CFAP47: variants seen among roughly 807,000 people sequenced by gnomAD.
The protein encoded by CFAP47 is cilia- and flagella-associated protein 47.
Under a neutral mutation model 148.1 loss-of-function variants are expected in CFAP47, and 29 were observed. The observed-to-expected ratio is 0.20, with a 90% confidence interval of 0.15 to 0.27. CFAP47 has a LOEUF of 0.27. Among genes scored for constraint, CFAP47 ranks in the 10% least tolerant of loss-of-function variants. The pLI, the probability that CFAP47 is intolerant of heterozygous loss-of-function variation, is 1.00. For synonymous variants in CFAP47, 664 were observed against 577.3 expected, an observed-to-expected ratio of 1.15 and a Z score of -2.15; for missense variants, 1,872 against 1,697.5, an observed-to-expected ratio of 1.10 and a Z score of -1.81.
intron 59 of CFAP47, among the ~76,000 whole-genome samples, chrX:36,353,290 A>T (rs1556017829): frequency 9.0e-6 from 1 of 110,670 alleles, no homozygotes; most frequent in African/African-American, 3.3e-5. Flanking sequence ...TATCTTACAG[A>T]TTTATTTTCC....
chrX:36,251,326 C>A lies in CFAP47; in HGVS notation c.7333-7C>A. On this transcript the variant is annotated splice_polypyrimidine_tract_variant and splice_region_variant and intron_variant, in intron 48 of 63. Coordinates refer to ENST00000378653, the MANE Select transcript of CFAP47 (RefSeq NM_001304548.2). ...CATAATTCTTGTTTCTGAATTATCT[C>A]TTATAGGTAACTGCAGATCTTCCAA... 2.0e-6 allele frequency: 1 copy of A among 494,705 alleles called. No individual in the cohort carries two copies. The highest frequency in any genetic ancestry group is 2.7e-5 in the South Asian group (1 of 36,905). The allele number at this position is 494,705 out of a possible 1,213,427, so 40.8% of individuals were successfully genotyped here.
Position 36,385,190 on chromosome X carries a change from G to C in CFAP47, c.*184G>C. ...CATTTGTGAGTTATGAATGTTTTTT[G>C]GTTGCGAACATTGGAATTGGTTCAC... On this transcript the variant is annotated 3_prime_UTR_variant, in exon 64 of 64. Coordinates refer to ENST00000378653, the MANE Select transcript of CFAP47 (RefSeq NM_001304548.2). 1 of 386,996 alleles carries C rather than the reference G, an allele frequency of 2.6e-6. No individual in the cohort carries two copies. Among genetic ancestry groups the C allele is most frequent in the Non-Finnish European group, 4.5e-6 (1 of 223,987 alleles). The allele number at this position is 386,996 out of a possible 1,213,427, so 31.9% of individuals were successfully genotyped here. A position where few individuals can be genotyped will look rare whatever the true frequency, so the allele number is the denominator to read the frequency against.
chrX:35,990,468 TGAG>T (rs1195540335), intron 16 of CFAP47, among the ~76,000 whole-genome samples: 2 of 111,021 alleles, frequency 1.8e-5, no homozygotes, highest in Non-Finnish European at 3.8e-5. Context: ...TTGTGTGAGA[TGAG>T]GAGGGGGAGT....
At chrX:36,165,206 A>G (rs1939476022) in intron 39 of CFAP47, among the ~76,000 whole-genome samples, 1 of 111,834 alleles carries the variant, frequency 8.9e-6, no homozygotes, top group Non-Finnish European at 1.9e-5. Context: ...TAATCAATTC[A>G]CAAATTTGTT....
At chrX:36,296,566 G>A (rs1476976148) in intron 51 of CFAP47, among the ~76,000 whole-genome samples, 1 of 112,385 alleles carries the variant, frequency 8.9e-6, no homozygotes, top group Non-Finnish European at 1.9e-5. Flanking sequence ...GAACCATATT[G>A]TGATATAAAA....
chrX:36,281,819 A>C (rs1941081892), intron 50 of CFAP47, among the ~76,000 whole-genome samples: 1 of 111,677 alleles, frequency 9.0e-6, no homozygotes, highest in South Asian at 3.7e-4. Flanking sequence ...TGGGAAGAGA[A>C]GTTGGGCCAG....
At chrX:36,149,612 ATTTTAT>A (rs1569273933) in intron 37 of CFAP47, among the ~76,000 whole-genome samples, 64 of 54,054 alleles carry the variant, frequency 1.2e-3, no homozygotes, top group East Asian at 5.5e-3. Flanking sequence ...TTATTTATTT[ATTTTAT>A]TTTTTTTTGA....
intron 33 of CFAP47, among the ~76,000 whole-genome samples, chrX:36,135,421 C>A (rs1484943587): frequency 1.8e-5 from 2 of 111,754 alleles, no homozygotes; most frequent in Non-Finnish European, 3.8e-5. Context: ...AATACCTCAT[C>A]TCTGTGACAT....
chrX:36,101,665 T>C (rs1199972335), intron 32 of CFAP47, among the ~76,000 whole-genome samples: 1 of 111,388 alleles, frequency 9.0e-6, no homozygotes, highest in Non-Finnish European at 1.9e-5. Flanking sequence ...TCCAAATAAG[T>C]GTTAAACCAT....
At chrX:35,929,999 A>AAAAAC (rs930728751) in intron 2 of CFAP47, among the ~76,000 whole-genome samples, 2 of 111,041 alleles carry the variant, frequency 1.8e-5, no homozygotes, top group African/African-American at 6.6e-5. Context: ...ACTGTCTCAA[A>AAAAAC]AAAACAAAAC....
At chrX:36,316,775 G>A (rs1941437237) in intron 56 of CFAP47, among the ~76,000 whole-genome samples, 1 of 111,844 alleles carries the variant, frequency 8.9e-6, no homozygotes, top group South Asian at 3.8e-4. Context: ...CATTCAACCT[G>A]TAACAGGAAC....
At chrX:35,938,648 A>C in intron 2 of CFAP47, among the ~76,000 whole-genome samples, 1 of 111,493 alleles carries the variant, frequency 9.0e-6, no homozygotes. Flanking sequence ...CCTATTTAAA[A>C]TTTTTTGATA....
intron 45 of CFAP47, among the ~76,000 whole-genome samples, chrX:36,208,418 G>A (rs1484741769): frequency 2.7e-5 from 3 of 110,056 alleles, no homozygotes; most frequent in East Asian, 5.8e-4. Flanking sequence ...AATGGATCTC[G>A]GGGAACTCAC....
At chrX:36,313,504 T>A (rs1481245501) in intron 56 of CFAP47, among the ~76,000 whole-genome samples, 1 of 111,431 alleles carries the variant, frequency 9.0e-6, no homozygotes, top group African/African-American at 3.3e-5. Flanking sequence ...CAATTTAAGA[T>A]GAAATTTGGG....
At chrX:36,064,985 C>T (rs1318056637) in intron 26 of CFAP47, among the ~76,000 whole-genome samples, 1 of 111,406 alleles carries the variant, frequency 9.0e-6, no homozygotes. Flanking sequence ...AGTCCTCAGA[C>T]ACATTTAAAG....
At chrX:36,320,634 C>T (rs1355839750) in intron 57 of CFAP47, among the ~76,000 whole-genome samples, 1 of 112,086 alleles carries the variant, frequency 8.9e-6, no homozygotes, top group East Asian at 2.8e-4. Flanking sequence ...CAACAGTTCA[C>T]AAAAGATAAA....
chrX:35,949,174 T>TGTGTGTGTG (rs1569211174), intron 4 of CFAP47, among the ~76,000 whole-genome samples: 7 of 109,058 alleles, frequency 6.4e-5, no homozygotes, highest in Admixed American at 2.0e-4. Flanking sequence ...TGTGTGTGTG[T>TGTGTGTGTG]TCCGGCACTG....
chrX:35,921,834 T>A (rs1273957439), intron 1 of CFAP47, among the ~76,000 whole-genome samples: 1 of 110,979 alleles, frequency 9.0e-6, no homozygotes, highest in Non-Finnish European at 1.9e-5. Context: ...AAGGGCATTG[T>A]CATCATCACT....
At chrX:36,328,518 A>T (rs1941535745) in intron 57 of CFAP47, among the ~76,000 whole-genome samples, 1 of 112,187 alleles carries the variant, frequency 8.9e-6, no homozygotes, top group Admixed American at 9.4e-5. Flanking sequence ...TGTAAAAGAA[A>T]AGCAAATTGG....
Sources: gnomAD v4.1 joint callset for allele counts (sites outside exome capture counted in the v4.1 genomes callset) on GRCh38, gnomAD v4.1.1 for gene constraint, MANE v1.5 for transcripts, NCBI Gene and HGNC (gene_info 2026-07-23, HGNC 2026-07-21) for gene names.